The following AFG2A variants were observed in gnomAD, a reference collection of about 807,000 sequenced individuals.
AFG2A encodes AAA ATPase AFG2A.
chr4:123,143,421 A>G, the AFG2A span, among the ~76,000 whole-genome samples: 2 of 152,050 alleles, frequency 1.3e-5, no homozygotes, highest in African/African-American at 4.8e-5. Flanking sequence ...TAATTAACGT[A>G]TATCACATCT....
At chr4:123,015,036 G>C in the AFG2A span, among the ~76,000 whole-genome samples, 2 of 152,190 alleles carry the variant, frequency 1.3e-5, no homozygotes, top group Non-Finnish European at 2.9e-5. Context: ...TGGGAGAAAA[G>C]AGAAGCAAAG....
At chr4:123,192,551 G>A in the AFG2A span, among the ~76,000 whole-genome samples, 1 of 152,150 alleles carries the variant, frequency 6.6e-6, no homozygotes. Flanking sequence ...TTTCACAGTA[G>A]CCATATTTTA....
At chr4:123,220,898 G>A in the AFG2A span, among the ~76,000 whole-genome samples, 4 of 152,090 alleles carry the variant, frequency 2.6e-5, no homozygotes, top group Non-Finnish European at 5.9e-5. Context: ...GTTAATTTAT[G>A]TGGTGTCCTA....
At chr4:123,261,841 A>G in the AFG2A span, among the ~76,000 whole-genome samples, 1 of 152,080 alleles carries the variant, frequency 6.6e-6, no homozygotes, top group African/African-American at 2.4e-5. Context: ...GTGCAGTGTC[A>G]TGATCATACC....
At chr4:123,003,092 C>T in the AFG2A span, among the ~76,000 whole-genome samples, 9 of 152,184 alleles carry the variant, frequency 5.9e-5, no homozygotes, top group East Asian at 1.2e-3. Context: ...TCCAGTTGAT[C>T]GCATCGGCTC....
chr4:123,176,569 C>T, the AFG2A span, among the ~76,000 whole-genome samples: 5 of 151,806 alleles, frequency 3.3e-5, no homozygotes, highest in East Asian at 9.6e-4. Flanking sequence ...TATACAAGAC[C>T]CTATACCAAA....
chr4:123,204,628 T>A, the AFG2A span, among the ~76,000 whole-genome samples: 1 of 152,242 alleles, frequency 6.6e-6, no homozygotes, highest in African/African-American at 2.4e-5. Flanking sequence ...TTAATTCTCT[T>A]AACAGGGACT....
At chr4:123,081,422 T>C in the AFG2A span, among the ~76,000 whole-genome samples, 1 of 152,318 alleles carries the variant, frequency 6.6e-6, no homozygotes, top group Admixed American at 6.5e-5. Context: ...TTTCATGTAG[T>C]AGTATGCATT....
At chr4:122,941,690 G>C in the AFG2A span, among the ~76,000 whole-genome samples, 40 of 151,966 alleles carry the variant, frequency 2.6e-4, no homozygotes, top group South Asian at 6.7e-3. Flanking sequence ...AGTGTTGAGA[G>C]AGGGCATCCC....
the AFG2A span, among the ~76,000 whole-genome samples, chr4:123,259,757 T>C: frequency 3.9e-5 from 6 of 152,156 alleles, no homozygotes; most frequent in African/African-American, 1.4e-4. Context: ...AAATCAACTG[T>C]CACAAATATA....
chr4:122,935,969 A>G, the AFG2A span: 1 of 1,309,696 alleles, frequency 7.6e-7, no homozygotes, highest in South Asian at 1.8e-5. Context: ...TCTTAATAAA[A>G]ATTGTTTGGA....
At chr4:123,216,664 C>T in the AFG2A span, among the ~76,000 whole-genome samples, 12 of 142,934 alleles carry the variant, frequency 8.4e-5, no homozygotes, top group East Asian at 8.0e-4. Context: ...ATTATTTTTA[C>T]TTTTTTTTTT....
chr4:123,157,915 C>T, the AFG2A span, among the ~76,000 whole-genome samples: 11 of 152,262 alleles, frequency 7.2e-5, no homozygotes, highest in Non-Finnish European at 1.5e-4. Flanking sequence ...TGAACTAAGT[C>T]GATAGCATTG....
At chr4:122,960,255 C>T in the AFG2A span, among the ~76,000 whole-genome samples, 1 of 152,112 alleles carries the variant, frequency 6.6e-6, no homozygotes, top group African/African-American at 2.4e-5. Context: ...TTTATTAATT[C>T]CCTCAAAATT....
chr4:123,105,643 G>A, the AFG2A span, among the ~76,000 whole-genome samples: 2 of 152,128 alleles, frequency 1.3e-5, no homozygotes, highest in African/African-American at 4.8e-5. Context: ...TCTAGAAGAA[G>A]TTGATTCCAG....
chr4:123,055,770 T>A, the AFG2A span, among the ~76,000 whole-genome samples: 1 of 152,196 alleles, frequency 6.6e-6, no homozygotes, highest in African/African-American at 2.4e-5. Context: ...TCGGGATGTA[T>A]GAGGAACTGT....
the AFG2A span, among the ~76,000 whole-genome samples, chr4:123,165,576 T>C: frequency 3.3e-5 from 5 of 152,084 alleles, no homozygotes; most frequent in Non-Finnish European, 7.4e-5. Context: ...ATTTATTTAT[T>C]AATAAATTTA....
the AFG2A span, chr4:122,933,415 T>TAG: frequency 1.9e-6 from 3 of 1,600,578 alleles, no homozygotes; most frequent in South Asian, 3.3e-5. Context: ...TGCTGATTTC[T>TAG]GTTCCCTTCT....
the AFG2A span, among the ~76,000 whole-genome samples, chr4:122,946,001 A>C: frequency 7.0e-6 from 1 of 142,418 alleles, no homozygotes; most frequent in Admixed American, 6.7e-5. Context: ...TCCCAGGTTG[A>C]TTCTCAGGTT....
Sources: gnomAD v4.1 joint callset for allele counts (sites outside exome capture counted in the v4.1 genomes callset) on GRCh38, gnomAD v4.1.1 for gene constraint, MANE v1.5 for transcripts, NCBI Gene and HGNC (gene_info 2026-07-23, HGNC 2026-07-21) for gene names.